Variants in EPB41 observed in about 807,000 individuals in gnomAD.
EPB41 encodes erythrocyte membrane protein band 4.1.
Under a neutral mutation model 108.0 loss-of-function variants are expected in EPB41, and 65 were observed. That is an observed-to-expected ratio of 0.60 (90% confidence interval 0.49 to 0.74). EPB41 has a LOEUF of 0.74. EPB41 is among the 30% of genes least tolerant of loss of function. The pLI, the probability that EPB41 is intolerant of heterozygous loss-of-function variation, is 0.00. For synonymous variants in EPB41, 336 were observed against 358.9 expected, an observed-to-expected ratio of 0.94 and a Z score of 0.72; for missense variants, 875 against 1,037.0, an observed-to-expected ratio of 0.84 and a Z score of 2.15.
chr1:29,012,375 C>G (rs991911136), intron 5 of EPB41, among the ~76,000 whole-genome samples: 1 of 152,024 alleles, frequency 6.6e-6, no homozygotes, highest in African/African-American at 2.4e-5. Flanking sequence ...TTTAACAGTC[C>G]TCTTCCAAAC....
At chr1:29,066,147 G>A (rs1201074449) in intron 16 of EPB41, among the ~76,000 whole-genome samples, 2 of 151,610 alleles carry the variant, frequency 1.3e-5, no homozygotes, top group East Asian at 2.0e-4. Context: ...TGGGCCGGGC[G>A]CGGTGGCTCA....
At chr1:28,895,536 C>G in intron 1 of EPB41, among the ~76,000 whole-genome samples, 1 of 152,086 alleles carries the variant, frequency 6.6e-6, no homozygotes, top group East Asian at 1.9e-4. Context: ...GTCACCCAGG[C>G]TGGAGTGCAG....
intron 5 of EPB41, 115 bp downstream of exon 5, chr1:29,012,022 T>C: frequency 3.6e-6 from 4 of 1,118,542 alleles, no homozygotes; most frequent in Non-Finnish European, 5.3e-6. Flanking sequence ...TGCAGATTGC[T>C]TTGAAATCGA....
intron 7 of EPB41, among the ~76,000 whole-genome samples, chr1:29,023,892 G>T (rs2096679756): frequency 1.3e-5 from 2 of 151,772 alleles, no homozygotes; most frequent in African/African-American, 4.9e-5. Flanking sequence ...TGTGCCTCTT[G>T]GTAAGTTACT....
At chr1:28,888,357 G>C (rs988158597) in intron 1 of EPB41, among the ~76,000 whole-genome samples, 6 of 152,242 alleles carry the variant, frequency 3.9e-5, no homozygotes, top group African/African-American at 9.6e-5. Context: ...ACGCGCCCCG[G>C]AGCTTCAGCA....
At chr1:29,062,652 G>GT (rs1341542952) in intron 15 of EPB41, among the ~76,000 whole-genome samples, 1,694 of 144,082 alleles carry the variant, frequency 0.012, 20 homozygotes, top group Middle Eastern at 0.089. Flanking sequence ...ACTCCAGCAG[G>GT]TTTTTTTTTT....
intron 1 of EPB41, among the ~76,000 whole-genome samples, chr1:28,957,251 AG>A (rs1319869245): frequency 6.6e-6 from 1 of 152,390 alleles, no homozygotes; most frequent in East Asian, 1.9e-4. Context: ...GAACATTAGA[AG>A]TAGTTTTTAG....
At chr1:28,918,932 G>A (rs1043858179) in intron 1 of EPB41, among the ~76,000 whole-genome samples, 1 of 152,140 alleles carries the variant, frequency 6.6e-6, no homozygotes, top group African/African-American at 2.4e-5. Context: ...GGTGTGTTTA[G>A]TCAAATGCAA....
intron 1 of EPB41, among the ~76,000 whole-genome samples, chr1:28,945,902 G>GT (rs2094472321): frequency 6.6e-6 from 1 of 152,180 alleles, no homozygotes; most frequent in South Asian, 2.1e-4. Flanking sequence ...ATATAGCCTG[G>GT]TTTTGCAAGG....
intron 15 of EPB41, among the ~76,000 whole-genome samples, chr1:29,061,702 C>A (rs752887996): frequency 3.4e-5 from 5 of 148,754 alleles, no homozygotes; most frequent in African/African-American, 5.0e-5. Flanking sequence ...ATCTCAATCT[C>A]CTGAATAGCT....
At chr1:28,935,467 A>ACACACACACACACACACACACCCC (rs1294457517) in intron 1 of EPB41, among the ~76,000 whole-genome samples, 1 of 64,218 alleles carries the variant, frequency 1.6e-5, no homozygotes. Context: ...ACACACACAC[A>ACACACACACACACACACACACCCC]CCCCCCCCCC....
intron 1 of EPB41, chr1:28,902,277 A>G (rs1291213010): frequency 3.0e-6 from 3 of 985,304 alleles, no homozygotes; most frequent in African/African-American, 1.7e-5. Context: ...CTGCCAGGGC[A>G]TCAGTTTCAA....
intron 1 of EPB41, among the ~76,000 whole-genome samples, chr1:28,901,821 A>G (rs1455524946): frequency 6.6e-6 from 1 of 152,194 alleles, no homozygotes; most frequent in Non-Finnish European, 1.5e-5. Context: ...GGTGTGAGCC[A>G]CCGCACCCGG....
chr1:28,982,469 G>A (rs1314858182), intron 1 of EPB41: 1 of 784,416 alleles, frequency 1.3e-6, no homozygotes, highest in Non-Finnish European at 2.3e-6. Context: ...CAGGGGTAGT[G>A]GTCAATTCCA....
At chr1:29,044,954 GTC>G (rs1372608681) in intron 11 of EPB41, among the ~76,000 whole-genome samples, 1 of 152,148 alleles carries the variant, frequency 6.6e-6, no homozygotes, top group African/African-American at 2.4e-5. Context: ...TTCATTTCTG[GTC>G]TCTCTAATCT....
chr1:29,026,762 G>GT (rs2096723647), intron 7 of EPB41, among the ~76,000 whole-genome samples: 2 of 151,978 alleles, frequency 1.3e-5, no homozygotes, highest in Non-Finnish European at 2.9e-5. Flanking sequence ...AACCATGATG[G>GT]TGCCACTGCA....
intron 1 of EPB41, among the ~76,000 whole-genome samples, chr1:28,923,659 T>C (rs1414376605): frequency 6.6e-6 from 1 of 152,184 alleles, no homozygotes; most frequent in Non-Finnish European, 1.5e-5. Context: ...ATATGACCAT[T>C]AATGGACACT....
chr1:28,921,141 G>T (rs1377061496), intron 1 of EPB41, among the ~76,000 whole-genome samples: 2 of 152,086 alleles, frequency 1.3e-5, no homozygotes, highest in Non-Finnish European at 2.9e-5. Flanking sequence ...TATTTTTGGT[G>T]ATTTATGAAT....
intron 5 of EPB41, among the ~76,000 whole-genome samples, chr1:29,013,504 TTTTG>T (rs1432650877): frequency 6.6e-6 from 1 of 152,030 alleles, no homozygotes; most frequent in Non-Finnish European, 1.5e-5. Context: ...GTTTTTTAAA[TTTTG>T]TTTTTTGTGT....
Sources: allele counts gnomAD v4.1 joint callset (sites outside exome capture counted in the v4.1 genomes callset), GRCh38; gene constraint gnomAD v4.1.1; transcripts MANE v1.5; gene names NCBI Gene and HGNC (gene_info 2026-07-23, HGNC 2026-07-21).